The following ZNF26 variants were observed in gnomAD, a reference collection of about 807,000 sequenced individuals.
The protein encoded by ZNF26 is epididymis luminal protein 179.
In ZNF26, 32 loss-of-function variants were observed where a neutral mutation model predicts 54.9. That is an observed-to-expected ratio of 0.58 (90% confidence interval 0.44 to 0.78). The LOEUF (loss-of-function observed/expected upper bound fraction) is 0.78, where lower values mean the gene tolerates loss of function less well. ZNF26 is among the 30% of genes least tolerant of loss of function. The pLI is 0.00. For synonymous variants in ZNF26, 221 were observed against 209.2 expected (o/e 1.06, Z -0.49); for missense variants, 524 against 634.0 (o/e 0.83, Z 1.86).
At chr12:132,989,769 G>C (rs1415124975) in intron 1 of ZNF26, among the ~76,000 whole-genome samples, 1 of 152,170 alleles carries the variant, frequency 6.6e-6, no homozygotes, top group Non-Finnish European at 1.5e-5. Context: ...TTTTGCCTCA[G>C]ATAGGACTTC....
At chr12:132,994,141 A>G (rs1953023620) in intron 1 of ZNF26, among the ~76,000 whole-genome samples, 1 of 152,176 alleles carries the variant, frequency 6.6e-6, no homozygotes, top group Non-Finnish European at 1.5e-5. Context: ...CACTCCCACC[A>G]TGACTGGGTC....
At chr12:132,997,427 G>A (rs1483762831) in intron 1 of ZNF26, among the ~76,000 whole-genome samples, 2 of 151,834 alleles carry the variant, frequency 1.3e-5, no homozygotes, top group Admixed American at 6.6e-5. Context: ...TTAATCAGAA[G>A]CCCACATGGT....
chr12:133,009,739 A>G (rs1300723590), intron 3 of ZNF26, among the ~76,000 whole-genome samples: 2 of 151,996 alleles, frequency 1.3e-5, no homozygotes, highest in African/African-American at 2.4e-5. Context: ...CTTCTTCCTC[A>G]GGAACTTTGT....
At position 132,986,608 on chromosome 12, in the gene ZNF26, C is replaced by G. The variant is rs1952824678; in HGVS notation, c.-233C>G. 1 of 589,834 alleles carries G rather than the reference C, an allele frequency of 1.7e-6. No individual in the cohort carries two copies. Among genetic ancestry groups the G allele is most frequent in the East Asian group, 2.8e-5 (1 of 35,730 alleles). The allele number at this position is 589,834 out of a possible 1,614,324, so 36.5% of individuals were successfully genotyped here. A position where few individuals can be genotyped will look rare whatever the true frequency, so the allele number is the denominator to read the frequency against. ...CCCGAGTCAGGGCCACGGAAAGGCA[C>G]AAATCCATCCGTGCGACTCCTGGTA... is the stretch of plus-strand genomic sequence containing the variant. On this transcript the variant is annotated 5_prime_UTR_variant, in exon 1 of 4. Coordinates refer to ENST00000328654, the MANE Select transcript of ZNF26 (RefSeq NM_019591.4).
rs1953566022 is a variant in ZNF26 at position 133,016,334 on chromosome 12, A to G, written c.*4853A>G. On this transcript the variant is annotated 3_prime_UTR_variant, in exon 4 of 4. Transcript: ENST00000328654. The stretch of plus-strand genomic sequence containing the variant: ...GTGATCCACCCGCCTTGGCCTCCCA[A>G]AGTGCTAGGATTACAGGCATGAGCC... The G allele has an allele frequency of 1.3e-5, 2 of 151,596 alleles. No individual in the cohort carries two copies. Among genetic ancestry groups the G allele is most frequent in the African/African-American group, 2.4e-5 (1 of 41,288 alleles). 9.4% of individuals were successfully genotyped at this position (151,596 alleles called of 1,614,324 possible).
rs1953464295 is a variant in ZNF26 at position 133,011,166 on chromosome 12, T to C, written c.1287T>C (p.Ser429=). ...THTGERPYEC[S]LCERAFCGKS... ...CCGGAGAGAGACCCTATGAATGTAG[T>C]TTGTGTGAGAGAGCCTTTTGTGGAA... Residue 429 remains serine, a synonymous_variant, in exon 4 of 4, where the codon AGT becomes AGC. Coordinates refer to ENST00000328654, the MANE Select transcript of ZNF26 (RefSeq NM_019591.4). 6.8e-6 allele frequency: 11 copies of C among 1,613,954 alleles called. No individual in the cohort carries two copies. In the South Asian group the frequency reaches 1.2e-4, roughly 18 times the overall value.
intron 1 of ZNF26, among the ~76,000 whole-genome samples, chr12:132,992,080 G>A (rs1006764540): frequency 5.9e-5 from 9 of 151,716 alleles, no homozygotes; most frequent in African/African-American, 1.9e-4. Context: ...CCCAGGAGGC[G>A]GGGGTTGCAG....
intron 1 of ZNF26, among the ~76,000 whole-genome samples, chr12:132,992,018 C>T (rs1000169556): frequency 6.6e-5 from 10 of 151,772 alleles, no homozygotes; most frequent in South Asian, 4.2e-4. Context: ...CATGGTGGTG[C>T]GTGCCTGTAG....
In ZNF26 at chr12:133,019,068, C is replaced by G. The variant is rs1489533621; in HGVS notation, c.*7587C>G. On this transcript the variant is annotated 3_prime_UTR_variant, in exon 4 of 4. Coordinates refer to ENST00000328654, the MANE Select transcript of ZNF26 (RefSeq NM_019591.4). ...AACGCAAACAGCAACCATAATAAAT[C>G]TCCAGTGGCTTTCTAATATCAGACA... The G allele has an allele frequency of 2.6e-5, 4 of 152,172 alleles. No individual in the cohort carries two copies. Among genetic ancestry groups the G allele is most frequent in the Non-Finnish European group, 4.4e-5 (3 of 68,034 alleles). 9.4% of individuals were successfully genotyped at this position (152,172 alleles called of 1,614,324 possible). A position where few individuals can be genotyped will look rare whatever the true frequency, so the allele number is the denominator to read the frequency against.
Position 133,016,424 on chromosome 12 carries a change from T to TTC in ZNF26, c.*4943_*4944insTC, listed in dbSNP as rs34682693. On this transcript the variant is annotated 3_prime_UTR_variant, in exon 4 of 4. Coordinates refer to ENST00000328654, the MANE Select transcript of ZNF26 (RefSeq NM_019591.4). ...TTTAGCTACTTTTTTTTTTTTTTTT[T>TTC]AACTATTTTAAGAGCATCACAGTAA... 1 of 150,006 alleles carries TTC rather than the reference T, an allele frequency of 6.7e-6. No homozygotes were observed. Among genetic ancestry groups the TTC allele is most frequent in the African/African-American group, 2.5e-5 (1 of 40,692 alleles). The allele number at this position is 150,006 out of a possible 1,614,324, so 9.3% of individuals were successfully genotyped here. A position where few individuals can be genotyped will look rare whatever the true frequency, so the allele number is the denominator to read the frequency against.
intron 1 of ZNF26, among the ~76,000 whole-genome samples, chr12:133,003,745 A>G (rs1260742248): frequency 1.3e-5 from 2 of 152,112 alleles, no homozygotes; most frequent in East Asian, 1.9e-4. Context: ...AGGTGTTTTG[A>G]TTTGTGAAAT....
In ZNF26 at chr12:133,012,819, T is replaced by C. The variant is rs1247451042; in HGVS notation, c.*1338T>C. On this transcript the variant is annotated 3_prime_UTR_variant, in exon 4 of 4. Transcript: ENST00000328654. ...GTCTTGAACTCCTGACCTCAGGTGA[T>C]CTGCCCACTTCAGCCTCCCAAAGTC... is the stretch of plus-strand genomic sequence containing the variant. 6.6e-6 allele frequency: 1 copy of C among 152,164 alleles called. No homozygotes were observed. The highest frequency in any genetic ancestry group is 1.5e-5 in the Non-Finnish European group (1 of 68,114). 9.4% of individuals were successfully genotyped at this position (152,164 alleles called of 1,614,324 possible). A position where few individuals can be genotyped will look rare whatever the true frequency, so the allele number is the denominator to read the frequency against.
At chr12:132,997,718 G>A (rs1393105128) in intron 1 of ZNF26, among the ~76,000 whole-genome samples, 1 of 152,212 alleles carries the variant, frequency 6.6e-6, no homozygotes, top group East Asian at 1.9e-4. Flanking sequence ...GACTTTGCTT[G>A]TCTCAGATGA....
At chr12:132,994,798 A>G (rs1206057657) in intron 1 of ZNF26, among the ~76,000 whole-genome samples, 3 of 152,312 alleles carry the variant, frequency 2.0e-5, no homozygotes, top group Admixed American at 2.0e-4. Flanking sequence ...TTAGGCACAT[A>G]CCAGGATTTT....
intron 1 of ZNF26, chr12:133,005,354 C>T (rs1953301850): frequency 6.6e-6 from 1 of 152,138 alleles, no homozygotes. Flanking sequence ...AGGTGCCCAC[C>T]CCCACGCCTG....
chr12:132,990,996 G>A (rs955089359), intron 1 of ZNF26, among the ~76,000 whole-genome samples: 46 of 151,588 alleles, frequency 3.0e-4, no homozygotes, highest in Non-Finnish European at 5.6e-4. Flanking sequence ...GTAGCTGGAA[G>A]TACAGGTGTG....
At position 133,012,125 on chromosome 12, in the gene ZNF26, T is replaced by C. The variant is rs1953489534; in HGVS notation, c.*644T>C. The C allele has an allele frequency of 6.6e-6, 1 of 152,244 alleles. No homozygotes were observed. Among genetic ancestry groups the C allele is most frequent in the Admixed American group, 6.5e-5 (1 of 15,278 alleles). 9.4% of individuals were successfully genotyped at this position (152,244 alleles called of 1,614,324 possible). The stretch of plus-strand genomic sequence containing the variant: ...ATGCTAATTATCTTTTGATTTCTTT[T>C]TCATAAGCAGATCTGGCATTTATTA... On this transcript the variant is annotated 3_prime_UTR_variant, in exon 4 of 4. Transcript: ENST00000328654.
In ZNF26 at chr12:133,024,838, G is replaced by C. The variant is rs1446372449; in HGVS notation, c.*13357G>C. The C allele has an allele frequency of 6.6e-6, 1 of 152,094 alleles. No individual in the cohort carries two copies. The highest frequency in any genetic ancestry group is 1.5e-5 in the Non-Finnish European group (1 of 68,026). The allele number at this position is 152,094 out of a possible 1,614,324, so 9.4% of individuals were successfully genotyped here. On this transcript the variant is annotated 3_prime_UTR_variant, in exon 4 of 4. Transcript: ENST00000328654. ...AAAGTCTTATTAAGAGATTTTTGGG[G>C]TGTGGCTTTTGTCTAATGGAATGGG...
rs953245404 is a variant in ZNF26, at chr12:133,001,738, C to G, written c.34-5304C>G. On this transcript the variant is annotated intron_variant, in intron 1 of 3. Transcript: ENST00000328654. This position sits in a 1 kb window ranked among gnomAD's most constrained non-coding sequence, Gnocchi z 4.7. The stretch of plus-strand genomic sequence containing the variant: ...AAACAGTGCCCTGCCTGAGGTGAGC[C>G]GCAGGGAGGCGGGGCCCTGTTTGAG... The G allele has an allele frequency of 7.8e-7, 1 of 1,287,172 alleles. No individual in the cohort carries two copies. The highest frequency in any genetic ancestry group is 1.0e-6 in the Non-Finnish European group (1 of 987,070). 79.7% of individuals were successfully genotyped at this position (1,287,172 alleles called of 1,614,324 possible).
Sources: gnomAD v4.1 joint callset for allele counts (sites outside exome capture counted in the v4.1 genomes callset) on GRCh38, gnomAD v4.1.1 for gene constraint, Gnocchi (gnomAD v3.1) non-coding constraint, MANE v1.5 for transcripts, NCBI Gene and HGNC (gene_info 2026-07-23, HGNC 2026-07-21) for gene names.